Variants in RAB2A observed in about 807,000 individuals in gnomAD.
RAB2A encodes RAB2A, member RAS oncogene family, also known as ras-related protein Rab-2A.
RAB2A carries 7 observed loss-of-function variants against 32.5 expected under a neutral mutation model. That is an observed-to-expected ratio of 0.22 (90% confidence interval 0.12 to 0.40). The LOEUF is 0.40. Among genes scored for constraint, RAB2A ranks in the 10% least tolerant of loss-of-function variants. RAB2A has a pLI of 1.00. For missense variants in RAB2A, 108 were observed against 260.7 expected (o/e 0.41, Z 4.03); for synonymous variants, 79 against 85.2 (o/e 0.93, Z 0.40).
intron 1 of RAB2A, among the ~76,000 whole-genome samples, chr8:60,523,933 G>T (rs1204716874): frequency 6.6e-6 from 1 of 151,962 alleles, no homozygotes; most frequent in Non-Finnish European, 1.5e-5. Flanking sequence ...CTCGTGATCC[G>T]CCTGCCTCGG....
chr8:60,556,300 A>G (rs1807937429), intron 1 of RAB2A, among the ~76,000 whole-genome samples: 1 of 152,204 alleles, frequency 6.6e-6, no homozygotes, highest in African/African-American at 2.4e-5. Context: ...ATAGTACTAT[A>G]GGGTGACTAT....
chr8:60,531,229 T>C (rs1001294662), intron 1 of RAB2A, among the ~76,000 whole-genome samples: 1 of 152,222 alleles, frequency 6.6e-6, no homozygotes, highest in East Asian at 1.9e-4. Context: ...TGTCCTTCTT[T>C]AGAAATAGCT....
intron 7 of RAB2A, among the ~76,000 whole-genome samples, 166 bp from the exon 8 acceptor site, chr8:60,620,508 G>A (rs753738166): frequency 8.5e-5 from 13 of 152,224 alleles, no homozygotes; most frequent in Non-Finnish European, 1.6e-4. Flanking sequence ...TAAAAGGAAG[G>A]AACATCCCTT....
At chr8:60,574,563 A>G (rs1190994026) in intron 3 of RAB2A, among the ~76,000 whole-genome samples, 1 of 152,198 alleles carries the variant, frequency 6.6e-6, no homozygotes, top group African/African-American at 2.4e-5. Flanking sequence ...TCTGTAGGTT[A>G]TTTTAGTTTA....
At chr8:60,614,197 A>G (rs1340298876) in intron 6 of RAB2A, among the ~76,000 whole-genome samples, 1 of 109,438 alleles carries the variant, frequency 9.1e-6, no homozygotes, top group Non-Finnish European at 2.0e-5. Flanking sequence ...CTGTTAGCAC[A>G]ATATCCGTGA....
intron 1 of RAB2A, chr8:60,558,573 C>A: frequency 2.0e-6 from 1 of 502,552 alleles, no homozygotes; most frequent in Non-Finnish European, 3.7e-6. Flanking sequence ...ACCAGAAGGA[C>A]CTGGTTAGTT....
intron 3 of RAB2A, among the ~76,000 whole-genome samples, chr8:60,582,683 T>G (rs1017907788): frequency 6.6e-6 from 1 of 152,146 alleles, no homozygotes; most frequent in African/African-American, 2.4e-5. Context: ...TGGCTAATTT[T>G]TATATTTTTG....
chr8:60,577,682 G>A (rs1047825909), intron 3 of RAB2A, among the ~76,000 whole-genome samples: 3 of 151,492 alleles, frequency 2.0e-5, no homozygotes, highest in Middle Eastern at 3.2e-3. Flanking sequence ...GGAGTGCAGT[G>A]GCGTGATCTC....
In RAB2A at chr8:60,547,856, C is replaced by A. The variant is rs1377642518; in HGVS notation, c.47-10996C>A. Reference sequence around the variant, plus strand: ...CTGACCCCCCCACCTCCCTCCTGGACGGGGCGGCTGGCCGGGCGGGGGGCT... The same window carrying A: ...CTGACCCCCCCACCTCCCTCCTGGAAGGGGCGGCTGGCCGGGCGGGGGGCT... On this transcript the variant is annotated intron_variant, in intron 1 of 7. Transcript: ENST00000262646. 2.7e-3 allele frequency among the ~76,000 whole-genome samples: 323 copies of A among 118,724 alleles called. 4 individuals are homozygous for A. The highest frequency in any genetic ancestry group is 0.011 in the African/African-American group (289 of 27,414). 77.9% of individuals were successfully genotyped at this position (118,724 alleles called of 152,430 possible).
upstream of RAB2A, chr8:60,516,947 G>C (rs1807211967): frequency 5.5e-6 from 2 of 365,878 alleles, no homozygotes; most frequent in Admixed American, 9.7e-5. Context: ...GAACTTCCGG[G>C]TCGGCGCGGA....
intron 1 of RAB2A, 26 bp from the exon 2 acceptor site, chr8:60,558,826 C>T: frequency 1.9e-6 from 3 of 1,580,848 alleles, no homozygotes; most frequent in Non-Finnish European, 2.6e-6. Context: ...AATTTTGTCT[C>T]TTATTTATTT....
intron 1 of RAB2A, among the ~76,000 whole-genome samples, chr8:60,542,153 T>C (rs1301365888): frequency 1.3e-5 from 2 of 152,198 alleles, no homozygotes; most frequent in Non-Finnish European, 2.9e-5. Flanking sequence ...CTAGAGGATA[T>C]GACACTTGAG....
Position 60,558,889 on chromosome 8 carries a change from CAA to C in RAB2A, c.85_86del (p.Lys29GlufsTer7). On this transcript the variant is annotated frameshift_variant, in exon 2 of 8. Transcript: ENST00000262646. LOFTEE classifies it high-confidence loss of function. Reference protein sequence around the residue: ...KSCLLLQFTDKRFQPVHDLTI... With the variant: ...KSCLLLQFTDXRFQPVHDLTI... ...CATGCTTATTGCTACAGTTTACAGACAAGAGGTTTCAGCCAGTGCATGACCTT... is the reference window on the plus strand; with the variant it reads ...CATGCTTATTGCTACAGTTTACAGACGAGGTTTCAGCCAGTGCATGACCTT... The C allele has an allele frequency of 6.2e-7, 1 of 1,613,132 alleles. No individual in the cohort carries two copies. Among genetic ancestry groups the C allele is most frequent in the Non-Finnish European group, 8.5e-7 (1 of 1,179,436 alleles).
intron 5 of RAB2A, among the ~76,000 whole-genome samples, chr8:60,589,799 T>C (rs1343748230): frequency 1.3e-5 from 2 of 152,158 alleles, no homozygotes; most frequent in Non-Finnish European, 2.9e-5. Flanking sequence ...ATTTGACCTA[T>C]AGTAAGAAAT....
At chr8:60,549,763 C>A (rs1807816480) in intron 1 of RAB2A, among the ~76,000 whole-genome samples, 1 of 151,730 alleles carries the variant, frequency 6.6e-6, no homozygotes, top group Admixed American at 6.6e-5. Context: ...CTTTAATTTT[C>A]CATTTCTGTT....
Position 60,539,102 on chromosome 8 carries a change from G to A in RAB2A, c.47-19750G>A, listed in dbSNP as rs1464326081. 3.3e-5 allele frequency among the ~76,000 whole-genome samples: 5 copies of A among 152,286 alleles called. No individual in the cohort carries two copies. The South Asian group carries it at 8.3e-4, about 25-fold the overall frequency. Reference sequence around the variant, plus strand: ...AGTCTATTACTTTGTGATCTTTCCAGTGAGCATGAGATGCATTAATTCATT... The same window carrying A: ...AGTCTATTACTTTGTGATCTTTCCAATGAGCATGAGATGCATTAATTCATT... On this transcript the variant is annotated intron_variant, in intron 1 of 7. Coordinates refer to ENST00000262646, the MANE Select transcript of RAB2A (RefSeq NM_002865.3).
chr8:60,572,241 G>A (rs1563473896), intron 3 of RAB2A, 128 bp downstream of exon 3: 5 of 630,926 alleles, frequency 7.9e-6, no homozygotes, highest in Non-Finnish European at 1.3e-5. Context: ...GCAGCCATGA[G>A]ATGAAATGTG....
intron 1 of RAB2A, among the ~76,000 whole-genome samples, chr8:60,520,757 T>C (rs1807289783): frequency 6.6e-6 from 1 of 152,226 alleles, no homozygotes; most frequent in South Asian, 2.1e-4. Context: ...TACATTTTAT[T>C]TTTTATTTTT....
At chr8:60,577,002 A>G (rs570784032) in intron 3 of RAB2A, among the ~76,000 whole-genome samples, 1 of 152,084 alleles carries the variant, frequency 6.6e-6, no homozygotes, top group Non-Finnish European at 1.5e-5. Context: ...ACGTGGCAGC[A>G]CTAAAAGAAT....
Sources: gnomAD v4.1 joint callset for allele counts (sites outside exome capture counted in the v4.1 genomes callset) on GRCh38, gnomAD v4.1.1 for gene constraint, MANE v1.5 for transcripts, NCBI Gene and HGNC (gene_info 2026-07-23, HGNC 2026-07-21) for gene names.